ROBO1: variants seen among roughly 807,000 people sequenced by gnomAD.
ROBO1 encodes roundabout guidance receptor 1.
Under a neutral mutation model 195.9 loss-of-function variants are expected in ROBO1, and 149 were observed. That is an observed-to-expected ratio of 0.76 (90% CI 0.67 to 0.87). The LOEUF (loss-of-function observed/expected upper bound fraction) is 0.87, where lower values mean the gene tolerates loss of function less well. ROBO1 is among the 40% of genes least tolerant of loss of function. ROBO1 has a pLI of 0.00. For missense variants in ROBO1, 1,933 were observed against 2,068.3 expected (o/e 0.93, Z 1.27); for synonymous variants, 816 against 733.2 (o/e 1.11, Z -1.82).
At chr3:79,493,760 T>C (rs928495969) in intron 2 of ROBO1, among the ~76,000 whole-genome samples, 2 of 152,150 alleles carry the variant, frequency 1.3e-5, no homozygotes, top group African/African-American at 2.4e-5. Flanking sequence ...TGGAGATATT[T>C]TGATACAGGT....
rs144761556 is a variant in ROBO1, at chr3:79,436,019, A to G, written c.88+153805T>C. ...ACTCATGAGGAATTTAAACCACTGC[A>G]GAGATAAAACCCTGTGTAACAGTTA... is the stretch of plus-strand genomic sequence containing the variant. On this transcript the variant is annotated intron_variant, in intron 2 of 30. Coordinates refer to ENST00000464233, the MANE Select transcript of ROBO1 (RefSeq NM_002941.4). Among the ~76,000 whole-genome samples the G allele has an allele frequency of 2.2e-3, 342 of 152,286 alleles. 2 individuals are homozygous for G. Among genetic ancestry groups the G allele is most frequent in the African/African-American group, 7.7e-3 (321 of 41,580 alleles).
At chr3:78,607,150 G>T in intron 28 of ROBO1, 109 bp from the exon 29 acceptor site, 1 of 1,060,802 alleles carries the variant, frequency 9.4e-7, no homozygotes. Flanking sequence ...CTATATCTTA[G>T]ATGAACTAGA....
chr3:79,126,756 C>T (rs2080223279), intron 2 of ROBO1, among the ~76,000 whole-genome samples: 1 of 152,148 alleles, frequency 6.6e-6, no homozygotes, highest in African/African-American at 2.4e-5. Context: ...CCAGTGAGTA[C>T]ATGCAGGTAC....
At chr3:79,723,090 T>C (rs969252654) in intron 1 of ROBO1, among the ~76,000 whole-genome samples, 3 of 152,202 alleles carry the variant, frequency 2.0e-5, no homozygotes, top group African/African-American at 4.8e-5. Flanking sequence ...ATTATAAATT[T>C]TTCTGTCTAT....
intron 21 of ROBO1, among the ~76,000 whole-genome samples, chr3:78,645,779 C>A (rs933495691): frequency 6.6e-6 from 1 of 151,968 alleles, no homozygotes; most frequent in Non-Finnish European, 1.5e-5. Context: ...TTGCTGTGTT[C>A]AGCAGGTTTT....
chr3:79,168,945 G>A (rs2081120243), intron 2 of ROBO1, among the ~76,000 whole-genome samples: 2 of 152,116 alleles, frequency 1.3e-5, no homozygotes, highest in Non-Finnish European at 2.9e-5. Context: ...AAAACTTGAA[G>A]AATTAAGATG....
At chr3:79,480,961 A>AT (rs1037410818) in intron 2 of ROBO1, among the ~76,000 whole-genome samples, 1 of 151,968 alleles carries the variant, frequency 6.6e-6, no homozygotes, top group African/African-American at 2.4e-5. Context: ...TGTGAGATCA[A>AT]TTTTTTTTCC....
intron 4 of ROBO1, among the ~76,000 whole-genome samples, chr3:78,783,445 A>G (rs1261828036): frequency 6.6e-6 from 1 of 152,174 alleles, no homozygotes; most frequent in Non-Finnish European, 1.5e-5. Context: ...TCTTTCTAAT[A>G]AGATGAATTC....
At chr3:79,360,233 T>G (rs542149392) in intron 2 of ROBO1, among the ~76,000 whole-genome samples, 26 of 152,110 alleles carry the variant, frequency 1.7e-4, no homozygotes, top group African/African-American at 5.8e-4. Context: ...GTAAATCAAA[T>G]TTACATAAAT....
At position 78,617,113 on chromosome 3, in the gene ROBO1, G is replaced by A. The variant is rs146313538; in HGVS notation, c.4282+522C>T. On this transcript the variant is annotated intron_variant, in intron 27 of 30. Coordinates refer to ENST00000464233, the MANE Select transcript of ROBO1 (RefSeq NM_002941.4). Reference sequence around the variant, plus strand: ...ATATTCTAATTTGAGAGGACATAAAGAGAATGGGAATTAAGGAGAAATAGC... The same window carrying A: ...ATATTCTAATTTGAGAGGACATAAAAAGAATGGGAATTAAGGAGAAATAGC... Among the ~76,000 whole-genome samples the A allele has an allele frequency of 3.9e-5, 6 of 152,122 alleles. No homozygotes were observed. In the East Asian group the frequency reaches 9.7e-4, roughly 25 times the overall value.
At chr3:78,929,894 T>G (rs777576648) in intron 4 of ROBO1, among the ~76,000 whole-genome samples, 6 of 152,102 alleles carry the variant, frequency 3.9e-5, no homozygotes, top group Non-Finnish European at 8.8e-5. Context: ...AGGTTGAGAT[T>G]GCACGGAAGG....
intron 2 of ROBO1, among the ~76,000 whole-genome samples, chr3:79,360,278 C>A (rs2035716272): frequency 6.6e-6 from 1 of 151,724 alleles, no homozygotes; most frequent in Non-Finnish European, 1.5e-5. Flanking sequence ...AAGTTATGAA[C>A]AAATCTCAAA....
rs143625131 is a variant in ROBO1, at chr3:79,028,554, T to C, written c.173-89627A>G. On this transcript the variant is annotated intron_variant, in intron 3 of 30. Transcript: ENST00000464233. The stretch of plus-strand genomic sequence containing the variant: ...ATTCTTTAAAGTTATATTAGAATGT[T>C]TTCTGGCTAAAGTCTTAGTAAATTT... Among the ~76,000 whole-genome samples, 548 of 152,090 alleles carry C rather than the reference T, an allele frequency of 3.6e-3. 7 individuals carry two copies. The highest frequency in any genetic ancestry group is 0.012 in the African/African-American group (508 of 41,564).
intron 2 of ROBO1, among the ~76,000 whole-genome samples, chr3:79,551,644 C>G (rs559784409): frequency 1.8e-4 from 27 of 151,956 alleles, no homozygotes; most frequent in Admixed American, 5.9e-4. Context: ...CTCAGCTGTT[C>G]AAGATTTATG....
At chr3:78,706,776 G>A (rs114770195) in intron 8 of ROBO1, among the ~76,000 whole-genome samples, 1,998 of 152,282 alleles carry the variant, frequency 0.013, 22 homozygotes, top group Non-Finnish European at 0.021. Context: ...AAGAAGGCAA[G>A]GGAGGTGGTG....
At chr3:78,729,957 T>C (rs2082250536) in intron 5 of ROBO1, among the ~76,000 whole-genome samples, 1 of 152,196 alleles carries the variant, frequency 6.6e-6, no homozygotes, top group Non-Finnish European at 1.5e-5. Flanking sequence ...AATTTTCACT[T>C]TCCCACAAAA....
intron 2 of ROBO1, among the ~76,000 whole-genome samples, chr3:79,129,345 G>T (rs575611037): frequency 1.3e-5 from 2 of 152,000 alleles, no homozygotes; most frequent in Non-Finnish European, 2.9e-5. Context: ...TTGTGTAGGG[G>T]TTGTATGCCA....
intron 4 of ROBO1, among the ~76,000 whole-genome samples, chr3:78,796,634 A>G (rs1349574008): frequency 6.6e-6 from 1 of 152,036 alleles, no homozygotes; most frequent in Non-Finnish European, 1.5e-5. Context: ...GTTCTCTACC[A>G]ATTTACTTTC....
chr3:79,633,353 CTT>C (rs58016604), intron 1 of ROBO1, among the ~76,000 whole-genome samples: 5 of 119,900 alleles, frequency 4.2e-5, no homozygotes, highest in Admixed American at 9.4e-5. Context: ...TTTTGCATTT[CTT>C]TTTTTTTTTT....
Sources: allele counts gnomAD v4.1 joint callset (sites outside exome capture counted in the v4.1 genomes callset), GRCh38; gene constraint gnomAD v4.1.1; transcripts MANE v1.5; gene names NCBI Gene and HGNC (gene_info 2026-07-23, HGNC 2026-07-21).